Variants in ADAMTSL1 observed in about 807,000 individuals in gnomAD.
ADAMTSL1 encodes the protein ADAMTS-like protein 1.
ADAMTSL1 carries 126 observed loss-of-function variants against 201.8 expected under a neutral mutation model. That is an observed-to-expected ratio of 0.62 (90% CI 0.54 to 0.72). The LOEUF is 0.72. Among genes scored for constraint, ADAMTSL1 ranks in the 30% least tolerant of loss-of-function variants. The probability of loss-of-function intolerance (pLI) is 0.00; values close to 1 mark genes in which losing one functional copy is unlikely to be tolerated. For missense variants in ADAMTSL1, 2,679 were observed against 2,277.8 expected (o/e 1.18, Z -3.59); for synonymous variants, 1,121 against 903.4 (o/e 1.24, Z -4.32).
intron 2 of ADAMTSL1, among the ~76,000 whole-genome samples, chr9:18,350,371 C>T (rs1835914239): frequency 6.6e-6 from 1 of 151,968 alleles, no homozygotes; most frequent in Non-Finnish European, 1.5e-5. Flanking sequence ...GGAATTTGGG[C>T]CCAATGTAAA....
intron 1 of ADAMTSL1, among the ~76,000 whole-genome samples, chr9:18,055,136 G>T (rs1297080864): frequency 1.3e-5 from 2 of 152,180 alleles, no homozygotes; most frequent in Non-Finnish European, 2.9e-5. Flanking sequence ...AAAGCATAAT[G>T]AAATTACAGC....
intron 2 of ADAMTSL1, among the ~76,000 whole-genome samples, chr9:18,510,834 C>T (rs1817980587): frequency 6.6e-6 from 1 of 151,996 alleles, no homozygotes. Flanking sequence ...AATTAAAGTA[C>T]TAGGTACCTT....
intron 2 of ADAMTSL1, among the ~76,000 whole-genome samples, chr9:18,263,850 G>A (rs1297369717): frequency 6.6e-6 from 1 of 152,132 alleles, no homozygotes; most frequent in Non-Finnish European, 1.5e-5. Flanking sequence ...GCCAGGAAGA[G>A]AGCCCTCAGC....
At chr9:18,282,342 T>A (rs1193473537) in intron 2 of ADAMTSL1, among the ~76,000 whole-genome samples, 1 of 152,230 alleles carries the variant, frequency 6.6e-6, no homozygotes, top group Admixed American at 6.5e-5. Flanking sequence ...GTTCCATGAC[T>A]TTGCTATTGT....
At chr9:17,931,259 C>T (rs1262698690) in intron 1 of ADAMTSL1, among the ~76,000 whole-genome samples, 1 of 152,156 alleles carries the variant, frequency 6.6e-6, no homozygotes, top group Non-Finnish European at 1.5e-5. Context: ...AAATTCGAGC[C>T]CGGGTGCTGC....
chr9:17,941,107 A>G (rs187726294), intron 1 of ADAMTSL1, among the ~76,000 whole-genome samples: 376 of 152,064 alleles, frequency 2.5e-3, no homozygotes, highest in African/African-American at 8.6e-3. Context: ...GTTTCATGCC[A>G]TTTTGAAGTT....
chr9:17,993,997 T>G (rs1015116174), intron 1 of ADAMTSL1, among the ~76,000 whole-genome samples: 1 of 151,960 alleles, frequency 6.6e-6, no homozygotes, highest in Non-Finnish European at 1.5e-5. Context: ...GTTTGGTGAG[T>G]TTTTTTAATT....
At chr9:18,051,580 A>C (rs1305782384) in intron 1 of ADAMTSL1, among the ~76,000 whole-genome samples, 1 of 151,918 alleles carries the variant, frequency 6.6e-6, no homozygotes, top group Admixed American at 6.6e-5. Context: ...AGGAACTCCA[A>C]GATTAAGTGG....
At chr9:18,131,820 A>G (rs1470922950) in intron 1 of ADAMTSL1, among the ~76,000 whole-genome samples, 17 of 152,140 alleles carry the variant, frequency 1.1e-4, no homozygotes, top group Admixed American at 1.0e-3. Context: ...TCTAGGTGAC[A>G]TTGTGTGGGC....
intron 23 of ADAMTSL1, among the ~76,000 whole-genome samples, chr9:18,841,888 C>G (rs1184821016): frequency 6.6e-6 from 1 of 152,100 alleles, no homozygotes; most frequent in Non-Finnish European, 1.5e-5. Flanking sequence ...GTGATATCCC[C>G]TTTATCATTT....
At chr9:18,808,151 G>T (rs1207108013) in intron 20 of ADAMTSL1, among the ~76,000 whole-genome samples, 1 of 152,114 alleles carries the variant, frequency 6.6e-6, no homozygotes, top group Non-Finnish European at 1.5e-5. Context: ...AAAACTAAAA[G>T]AGTACAATGT....
intron 2 of ADAMTSL1, among the ~76,000 whole-genome samples, chr9:18,461,605 A>G (rs948442138): frequency 6.6e-6 from 1 of 152,100 alleles, no homozygotes; most frequent in Non-Finnish European, 1.5e-5. Flanking sequence ...TTCCACTGGT[A>G]TTCTAGAATA....
At chr9:18,694,744 C>G (rs1039944754) in intron 13 of ADAMTSL1, among the ~76,000 whole-genome samples, 2 of 152,152 alleles carry the variant, frequency 1.3e-5, no homozygotes, top group African/African-American at 4.8e-5. Flanking sequence ...CTGGGGTCTG[C>G]AGGATGGTGG....
chr9:18,161,339 C>A (rs1431198263), intron 1 of ADAMTSL1, among the ~76,000 whole-genome samples: 1 of 151,940 alleles, frequency 6.6e-6, no homozygotes, highest in Non-Finnish European at 1.5e-5. Flanking sequence ...GAAGTTTTCA[C>A]AAAGAAAATG....
At chr9:18,048,868 G>A (rs2131659550) in intron 1 of ADAMTSL1, among the ~76,000 whole-genome samples, 1 of 152,286 alleles carries the variant, frequency 6.6e-6, no homozygotes, top group African/African-American at 2.4e-5. Flanking sequence ...CACAAACTGG[G>A]TGGTTTAAAA....
At chr9:18,023,998 T>G (rs951230786) in intron 1 of ADAMTSL1, among the ~76,000 whole-genome samples, 5 of 152,108 alleles carry the variant, frequency 3.3e-5, no homozygotes, top group African/African-American at 9.7e-5. Context: ...TATTCAAATG[T>G]CTCCTCATCT....
intron 2 of ADAMTSL1, among the ~76,000 whole-genome samples, chr9:18,384,940 C>G (rs1038699539): frequency 6.6e-6 from 1 of 151,950 alleles, no homozygotes; most frequent in African/African-American, 2.4e-5. Flanking sequence ...CCTCTGTGTA[C>G]AGCTTCTAAA....
At chr9:18,336,161 A>G (rs1239997688) in intron 2 of ADAMTSL1, among the ~76,000 whole-genome samples, 1 of 152,136 alleles carries the variant, frequency 6.6e-6, no homozygotes, top group African/African-American at 2.4e-5. Flanking sequence ...ACATTTAAAG[A>G]GTTTGTGTTC....
At chr9:18,200,834 T>A (rs1250122727) in intron 2 of ADAMTSL1, among the ~76,000 whole-genome samples, 3 of 151,952 alleles carry the variant, frequency 2.0e-5, no homozygotes, top group Non-Finnish European at 4.4e-5. Flanking sequence ...AATACAAGGA[T>A]AAACAAAATA....
Sources: gnomAD v4.1 joint callset for allele counts (sites outside exome capture counted in the v4.1 genomes callset) on GRCh38, gnomAD v4.1.1 for gene constraint, MANE v1.5 for transcripts, NCBI Gene and HGNC (gene_info 2026-07-23, HGNC 2026-07-21) for gene names.